LRRCC1: variants seen among roughly 807,000 people sequenced by gnomAD.
LRRCC1 encodes leucine rich repeat and coiled-coil centrosomal protein 1.
Under a neutral mutation model 126.0 loss-of-function variants are expected in LRRCC1, and 115 were observed. The ratio of observed to expected loss-of-function variants is 0.91; its 90% CI spans 0.78 to 1.07. The LOEUF is 1.07. Among genes scored for constraint, LRRCC1 ranks in the 50% least tolerant of loss-of-function variants. The probability of loss-of-function intolerance (pLI) is 0.00; values close to 1 mark genes in which losing one functional copy is unlikely to be tolerated. For synonymous variants in LRRCC1, 400 were observed against 393.4 expected (o/e 1.02, Z -0.20); for missense variants, 1,172 against 1,175.7 (o/e 1.00, Z 0.05).
At chr8:85,134,776 A>T in intron 12 of LRRCC1, 71 bp from the exon 13 acceptor site, 2 of 964,554 alleles carry the variant, frequency 2.1e-6, no homozygotes, top group South Asian at 1.8e-5. Context: ...AAACTGTGAT[A>T]CTATTTCCAG....
intron 1 of LRRCC1, chr8:85,108,910 G>T (rs1173858015): frequency 6.6e-6 from 1 of 152,222 alleles, no homozygotes; most frequent in African/African-American, 2.4e-5. Flanking sequence ...GAAGAGATGA[G>T]TTCTGTTTAG....
At chr8:85,128,556 A>G (rs1810195706) in intron 9 of LRRCC1, among the ~76,000 whole-genome samples, 1 of 151,796 alleles carries the variant, frequency 6.6e-6, no homozygotes, top group Non-Finnish European at 1.5e-5. Flanking sequence ...CTGTGAGTAT[A>G]TACAATTTCA....
At chr8:85,130,961 T>C (rs530714454) in intron 11 of LRRCC1, among the ~76,000 whole-genome samples, 20 of 152,372 alleles carry the variant, frequency 1.3e-4, no homozygotes, top group African/African-American at 4.8e-4. Flanking sequence ...CTCTACAGAA[T>C]CTGTAATAAT....
At position 85,113,114 on chromosome 8, in the gene LRRCC1, T is replaced by C. The variant is rs1458502303; in HGVS notation, c.544+15T>C. 1 of 1,577,128 alleles carries C rather than the reference T, an allele frequency of 6.3e-7. No homozygotes were observed. The highest frequency in any genetic ancestry group is 8.6e-7 in the Non-Finnish European group (1 of 1,160,900). On this transcript the variant is annotated intron_variant, in intron 4 of 18. Transcript: ENST00000360375. ...TCGACTGCCAGGTATGAATAATTAA[T>C]TTAATATTTTTTCTAACAGTTAATA...
At chr8:85,122,661 G>A (rs574173786) in intron 6 of LRRCC1, among the ~76,000 whole-genome samples, 4 of 152,082 alleles carry the variant, frequency 2.6e-5, no homozygotes, top group East Asian at 3.9e-4. Flanking sequence ...CTATTGGATC[G>A]CTATTTTAAA....
chr8:85,129,893 A>T, intron 10 of LRRCC1, 26 bp from the exon 11 acceptor site: 1 of 1,483,880 alleles, frequency 6.7e-7, no homozygotes, highest in Non-Finnish European at 8.9e-7. Context: ...TTATCTAAAT[A>T]ATGTAATTGT....
At position 85,123,517 on chromosome 8, in the gene LRRCC1, A is replaced by G; in HGVS notation, c.1035A>G (p.Arg345=). The change falls in exon 7 of 19, where the codon AGA becomes AGG. Residue 345 remains arginine (R), a synonymous_variant. Transcript: ENST00000360375. The stretch of plus-strand genomic sequence containing the variant: ...ATGGAAACAGAAAAGAATGCAATAG[A>G]AAAGTTCCTCGAAGATCAAAAATCC... ...SDYGNRKECN[R]KVPRRSKIPY... The G allele has an allele frequency of 6.2e-7, 1 of 1,611,580 alleles. No homozygotes were observed. The highest frequency in any genetic ancestry group is 2.2e-5 in the East Asian group (1 of 44,744).
At chr8:85,111,874 T>G (rs1413958515) in intron 3 of LRRCC1, among the ~76,000 whole-genome samples, 1 of 145,926 alleles carries the variant, frequency 6.9e-6, no homozygotes, top group African/African-American at 2.5e-5. Flanking sequence ...GGAGTTTTGT[T>G]TTTTTTTTTT....
chr8:85,124,740 G>A, intron 7 of LRRCC1, 52 bp from the exon 8 acceptor site: 1 of 1,202,378 alleles, frequency 8.3e-7, no homozygotes, highest in Non-Finnish European at 1.1e-6. Flanking sequence ...TTAGAGAAAA[G>A]TAATGTGAAC....
In LRRCC1 at chr8:85,141,378, T is replaced by C. The variant is rs1367809164; in HGVS notation, c.2841-4T>C. 6.2e-7 allele frequency: 1 copy of C among 1,609,446 alleles called. No individual in the cohort carries two copies. The highest frequency in any genetic ancestry group is 1.3e-5 in the African/African-American group (1 of 74,888). On this transcript the variant is annotated splice_polypyrimidine_tract_variant and splice_region_variant and intron_variant, in intron 17 of 18. Transcript: ENST00000360375. ...ATATATGTGGATGTTCTTGTTTTTT[T>C]AAGGAATGCAATGGAAAAACTTCAT...
Position 85,135,825 on chromosome 8 carries a change from G to A in LRRCC1, c.2191G>A (p.Asp731Asn). Reference protein sequence around the residue: ...INTLEILIEDDKQKSIQIELL... With the variant: ...INTLEILIEDNKQKSIQIELL... ...CACCCTTGAAATTTTAATTGAAGAT[G>A]ACAAGCAGAAGAGTATTCAAATAGA... The change falls in exon 14 of 19, where the codon GAC (aspartate) becomes AAC (asparagine). Residue 731 changes from aspartate (D) to asparagine (N), a missense_variant. Physicochemically the swap from Asp to Asn is conservative, Grantham distance 23. Coordinates refer to ENST00000360375, the MANE Select transcript of LRRCC1 (RefSeq NM_033402.5). 1 of 1,564,990 alleles carries A rather than the reference G, an allele frequency of 6.4e-7. No homozygotes were observed. Among genetic ancestry groups the A allele is most frequent in the Non-Finnish European group, 8.6e-7 (1 of 1,156,156 alleles).
intron 13 of LRRCC1, 25 bp from the exon 14 acceptor site, chr8:85,135,764 T>C (rs1810808234): frequency 8.0e-7 from 1 of 1,246,112 alleles, no homozygotes; most frequent in East Asian, 2.8e-5. Flanking sequence ...TAATAATTCT[T>C]ATTTTTTTTT....
At chr8:85,124,346 C>A (rs1205515630) in intron 7 of LRRCC1, among the ~76,000 whole-genome samples, 1 of 152,144 alleles carries the variant, frequency 6.6e-6, no homozygotes, top group Non-Finnish European at 1.5e-5. Context: ...TCACTTCAAA[C>A]ACTGTACTTT....
At position 85,115,351 on chromosome 8, in the gene LRRCC1, T is replaced by C. The variant is rs745398567; in HGVS notation, c.721-24T>C. 10 of 1,588,020 alleles carry C rather than the reference T, an allele frequency of 6.3e-6. No homozygotes were observed. The Admixed American group carries it at 1.7e-4, about 28-fold the overall frequency. On this transcript the variant is annotated intron_variant, in intron 5 of 18. Transcript: ENST00000360375. ...AATAAGTGAATATAAATTAAAAGGA[T>C]TTTGGTTTGTTTCTGTGTCATAGAT...
At chr8:85,123,377 AC>A (rs1232282135) in intron 6 of LRRCC1, 35 bp from the exon 7 acceptor site, 1 of 1,387,000 alleles carries the variant, frequency 7.2e-7, no homozygotes, top group Non-Finnish European at 1.0e-6. Context: ...TTTATACTGA[AC>A]TTTTAACAAA....
chr8:85,142,697 G>T (rs1401733486), intron 18 of LRRCC1, among the ~76,000 whole-genome samples: 2 of 152,076 alleles, frequency 1.3e-5, no homozygotes, highest in East Asian at 3.9e-4. Context: ...GGGTGTGGTG[G>T]CGCATGCCTG....
At chr8:85,140,664 A>G (rs1422172124) in intron 17 of LRRCC1, among the ~76,000 whole-genome samples, 5 of 152,348 alleles carry the variant, frequency 3.3e-5, no homozygotes, top group East Asian at 1.9e-4. Flanking sequence ...TCAAAAATAC[A>G]TATTCATAAA....
At chr8:85,140,695 C>G (rs905099346) in intron 17 of LRRCC1, among the ~76,000 whole-genome samples, 1 of 152,154 alleles carries the variant, frequency 6.6e-6, no homozygotes, top group Non-Finnish European at 1.5e-5. Context: ...CTGTAGTATG[C>G]ACTTCTCAAA....
intron 6 of LRRCC1, 76 bp downstream of exon 6, chr8:85,115,660 A>T (rs1809062061): frequency 9.0e-7 from 1 of 1,107,390 alleles, no homozygotes. Flanking sequence ...AATAAAAATT[A>T]TGTACTAGCT....
Sources: allele counts gnomAD v4.1 joint callset (sites outside exome capture counted in the v4.1 genomes callset), GRCh38; gene constraint gnomAD v4.1.1; transcripts MANE v1.5; gene names NCBI Gene and HGNC (gene_info 2026-07-23, HGNC 2026-07-21).